SHC4: variants seen among roughly 807,000 people sequenced by gnomAD.
The protein encoded by SHC4 is SHC adaptor protein 4.
In SHC4, 41 loss-of-function variants were observed where a neutral mutation model predicts 69.4. That is an observed-to-expected ratio of 0.59 (90% CI 0.46 to 0.77). The LOEUF is 0.77. Among genes scored for constraint, SHC4 ranks in the 30% least tolerant of loss-of-function variants. The pLI, the probability that SHC4 is intolerant of heterozygous loss-of-function variation, is 0.00. For missense variants in SHC4, 777 were observed against 783.8 expected, an observed-to-expected ratio of 0.99 and a Z score of 0.10; for synonymous variants, 318 against 299.3, an observed-to-expected ratio of 1.06 and a Z score of -0.64.
chr15:48,908,138 T>C (rs1176219545), intron 2 of SHC4, among the ~76,000 whole-genome samples: 1 of 152,160 alleles, frequency 6.6e-6, no homozygotes, highest in Non-Finnish European at 1.5e-5. Context: ...CTGTTTTCCA[T>C]AGTGGCTGTA....
intron 1 of SHC4, among the ~76,000 whole-genome samples, chr15:48,961,278 T>C (rs13379736): frequency 0.036 from 5,497 of 152,314 alleles, 376 homozygotes; most frequent in African/African-American, 0.13. Flanking sequence ...TTCTCATTTA[T>C]CAATCACAGT....
intron 2 of SHC4, among the ~76,000 whole-genome samples, chr15:48,893,474 G>A (rs746499903): frequency 6.6e-6 from 1 of 152,174 alleles, no homozygotes; most frequent in Non-Finnish European, 1.5e-5. Context: ...AGTGAGCATG[G>A]CTGTGTTCCA....
At chr15:48,877,244 AC>A in intron 4 of SHC4, 1 of 200,638 alleles carries the variant, frequency 5.0e-6, no homozygotes, top group South Asian at 1.6e-4. Context: ...GTGTCTCATC[AC>A]CCCCAGATGG....
intron 2 of SHC4, among the ~76,000 whole-genome samples, chr15:48,904,595 T>C (rs77244231): frequency 0.015 from 2,225 of 152,246 alleles, 64 homozygotes; most frequent in African/African-American, 0.051. Context: ...AAAATATACC[T>C]GGCTGGGCAC....
chr15:48,900,989 T>C (rs1012743317), intron 2 of SHC4, among the ~76,000 whole-genome samples: 3 of 152,246 alleles, frequency 2.0e-5, no homozygotes, highest in African/African-American at 7.2e-5. Context: ...TACTCAATTC[T>C]GCTGTTGTAG....
intron 2 of SHC4, among the ~76,000 whole-genome samples, chr15:48,908,941 G>A (rs1329947460): frequency 1.3e-5 from 2 of 152,148 alleles, no homozygotes; most frequent in African/African-American, 4.8e-5. Context: ...CACTGTTTTG[G>A]TGACTATGGC....
chr15:48,845,766 T>C (rs1899078438), intron 9 of SHC4, among the ~76,000 whole-genome samples: 1 of 152,234 alleles, frequency 6.6e-6, no homozygotes, highest in African/African-American at 2.4e-5. Context: ...AGATATTATC[T>C]AATGATAGCA....
At chr15:48,871,143 C>T (rs1275556294) in intron 5 of SHC4, among the ~76,000 whole-genome samples, 10 of 152,136 alleles carry the variant, frequency 6.6e-5, no homozygotes, top group African/African-American at 9.7e-5. Flanking sequence ...TGTATTGGTT[C>T]GTTCCTGAAG....
intron 2 of SHC4, among the ~76,000 whole-genome samples, chr15:48,894,960 T>C (rs540160634): frequency 3.3e-5 from 5 of 151,974 alleles, no homozygotes; most frequent in Non-Finnish European, 5.9e-5. Flanking sequence ...AATTAGCTAA[T>C]TTTTTCTTTT....
At chr15:48,827,880 G>A (rs946862968) in intron 11 of SHC4, among the ~76,000 whole-genome samples, 3 of 152,076 alleles carry the variant, frequency 2.0e-5, no homozygotes, top group Admixed American at 2.0e-4. Context: ...ACAGCGTTTG[G>A]TTGGAGCTGA....
chr15:48,851,793 G>T (rs936362689), intron 8 of SHC4, among the ~76,000 whole-genome samples: 8 of 152,206 alleles, frequency 5.3e-5, no homozygotes, highest in Non-Finnish European at 8.8e-5. Flanking sequence ...AGTGTCTTTA[G>T]AAAGATTAGT....
intron 5 of SHC4, among the ~76,000 whole-genome samples, chr15:48,870,652 G>A (rs368221944): frequency 1.5e-4 from 22 of 151,522 alleles, no homozygotes; most frequent in African/African-American, 5.3e-4. Context: ...ACTCCAGCCT[G>A]AGTGACAAGA....
chr15:48,961,429 C>A (rs1198990603), intron 1 of SHC4, among the ~76,000 whole-genome samples: 1 of 152,146 alleles, frequency 6.6e-6, no homozygotes, highest in African/African-American at 2.4e-5. Context: ...ACCCACTATT[C>A]TCCAGCATTC....
At chr15:48,907,606 A>T (rs1900429474) in intron 2 of SHC4, among the ~76,000 whole-genome samples, 1 of 151,150 alleles carries the variant, frequency 6.6e-6, no homozygotes, top group Non-Finnish European at 1.5e-5. Context: ...CATCATTCTC[A>T]TGCCTTTGTG....
chr15:48,910,642 G>A (rs1414277656), intron 2 of SHC4, among the ~76,000 whole-genome samples: 1 of 151,660 alleles, frequency 6.6e-6, no homozygotes, highest in Non-Finnish European at 1.5e-5. Context: ...CTAGTTCCTT[G>A]AGGTGTGACT....
At position 48,843,654 on chromosome 15, in the gene SHC4, T is replaced by C. The variant is rs139260803; in HGVS notation, c.1304-66A>G. ...TTGTAAATAGTAAATAAAATCATGT[T>C]TGAGTCTAGAATTGATAGAAACCTA... is the stretch of plus-strand genomic sequence containing the variant. On this transcript the variant is annotated intron_variant, in intron 9 of 11. Coordinates refer to ENST00000332408, the MANE Select transcript of SHC4 (RefSeq NM_203349.4). 1.5e-5 allele frequency: 22 copies of C among 1,459,026 alleles called. No homozygotes were observed. The East Asian group carries it at 4.9e-4, about 33-fold the overall frequency. 90.4% of individuals were successfully genotyped at this position (1,459,026 alleles called of 1,614,324 possible). A position where few individuals can be genotyped will look rare whatever the true frequency, so the allele number is the denominator to read the frequency against.
chr15:48,907,209 CTTTCTTTTTTTTT>C (rs1282712295), intron 2 of SHC4, among the ~76,000 whole-genome samples: 2 of 150,612 alleles, frequency 1.3e-5, no homozygotes, highest in African/African-American at 2.4e-5. Context: ...TGTGTGATTT[CTTTCTTTTTTTTT>C]TTTCTTTTCC....
chr15:48,870,839 C>T (rs1270091539), intron 5 of SHC4, among the ~76,000 whole-genome samples: 1 of 152,202 alleles, frequency 6.6e-6, no homozygotes, highest in African/African-American at 2.4e-5. Flanking sequence ...GAGGAAGAAC[C>T]TGCTTAAATG....
At chr15:48,845,159 C>T (rs929991795) in intron 9 of SHC4, among the ~76,000 whole-genome samples, 1 of 152,174 alleles carries the variant, frequency 6.6e-6, no homozygotes, top group African/African-American at 2.4e-5. Context: ...TTGCTTTAGT[C>T]ATTAAACCTT....
Sources: gnomAD v4.1 joint callset for allele counts (sites outside exome capture counted in the v4.1 genomes callset) on GRCh38, gnomAD v4.1.1 for gene constraint, MANE v1.5 for transcripts, NCBI Gene and HGNC (gene_info 2026-07-23, HGNC 2026-07-21) for gene names.